The following DNAH7 variants were observed in gnomAD, a reference collection of about 807,000 sequenced individuals.
The protein encoded by DNAH7 is axonemal beta dynein heavy chain 7.
Under a neutral mutation model 444.6 loss-of-function variants are expected in DNAH7, and 397 were observed. The observed-to-expected ratio is 0.89, with a 90% CI of 0.82 to 0.97. The LOEUF is 0.97. Ranked by LOEUF, DNAH7 falls within the 50% of genes least tolerant of loss-of-function variation. The pLI is 0.00. For missense variants in DNAH7, 4,902 were observed against 4,800.8 expected, an observed-to-expected ratio of 1.02 and a Z score of -0.62; for synonymous variants, 1,636 against 1,624.4, an observed-to-expected ratio of 1.01 and a Z score of -0.17.
intron 17 of DNAH7, among the ~76,000 whole-genome samples, chr2:195,961,223 C>A (rs960722597): frequency 2.6e-5 from 4 of 152,090 alleles, no homozygotes; most frequent in African/African-American, 9.7e-5. Flanking sequence ...TACATTACCT[C>A]ACACACTGAT....
intron 2 of DNAH7, among the ~76,000 whole-genome samples, chr2:196,057,433 C>T (rs1177081056): frequency 6.6e-6 from 1 of 152,080 alleles, no homozygotes; most frequent in Non-Finnish European, 1.5e-5. Context: ...ATGTCTATTT[C>T]ATTTCAGGTT....
intron 19 of DNAH7, 42 bp downstream of exon 19, chr2:195,957,219 C>T: frequency 7.1e-7 from 1 of 1,416,442 alleles, no homozygotes; most frequent in Non-Finnish European, 9.4e-7. Context: ...AATCATGTCA[C>T]TTCAACCAAA....
chr2:195,859,877 T>A (rs1574590022), intron 42 of DNAH7, among the ~76,000 whole-genome samples: 1 of 152,170 alleles, frequency 6.6e-6, no homozygotes, highest in African/African-American at 2.4e-5. Flanking sequence ...TAATCCCAAG[T>A]GACGCTTTGC....
At position 196,060,205 on chromosome 2, in the gene DNAH7, G is replaced by C. The variant is rs141867707; in HGVS notation, c.16-2089C>G. 0.02 allele frequency among the ~76,000 whole-genome samples: 2,983 copies of C among 152,188 alleles called. 253 individuals carry two copies. In the East Asian group the frequency reaches 0.27, roughly 14 times the overall value. On this transcript the variant is annotated intron_variant, in intron 1 of 64. Coordinates refer to ENST00000312428, the MANE Select transcript of DNAH7 (RefSeq NM_018897.3). ...TGCACTCCAGCCTGGGCAACAGAGA[G>C]AGACACTGTCTCAAAAAAAAGAAAA...
intron 28 of DNAH7, among the ~76,000 whole-genome samples, chr2:195,898,076 G>A (rs1702439461): frequency 6.6e-6 from 1 of 152,194 alleles, no homozygotes; most frequent in Non-Finnish European, 1.5e-5. Flanking sequence ...GGTAGAGCTT[G>A]CTTGTTCTCT....
intron 19 of DNAH7, among the ~76,000 whole-genome samples, chr2:195,950,256 G>C (rs1690129492): frequency 6.6e-6 from 1 of 151,982 alleles, no homozygotes; most frequent in Admixed American, 6.6e-5. Flanking sequence ...TTGGTTGGTA[G>C]GCTATTAATT....
intron 57 of DNAH7, among the ~76,000 whole-genome samples, chr2:195,787,611 G>A (rs950980370): frequency 4.6e-5 from 7 of 152,176 alleles, no homozygotes; most frequent in Non-Finnish European, 8.8e-5. Flanking sequence ...GAACTTTAAA[G>A]AGGATTTGTG....
Position 195,766,205 on chromosome 2 carries a change from G to A in DNAH7, c.11433+5455C>T, listed in dbSNP as rs1057280439. ...TTTTTTTTTTTTGAGACAGAGTCTT[G>A]CTCTGTCACCCAGGCTGGAGGGCAG... On this transcript the variant is annotated intron_variant, in intron 61 of 64. Coordinates refer to ENST00000312428, the MANE Select transcript of DNAH7 (RefSeq NM_018897.3). Among the ~76,000 whole-genome samples, 5 of 42,498 alleles carry A rather than the reference G, an allele frequency of 1.2e-4. No individual in the cohort carries two copies. In the Admixed American group the frequency reaches 1.3e-3, roughly 11 times the overall value. 27.9% of individuals were successfully genotyped at this position (42,498 alleles called of 152,430 possible). A position where few individuals can be genotyped will look rare whatever the true frequency, so the allele number is the denominator to read the frequency against.
At chr2:196,024,184 G>C (rs763095344) in intron 8 of DNAH7, among the ~76,000 whole-genome samples, 1 of 152,092 alleles carries the variant, frequency 6.6e-6, no homozygotes, top group Non-Finnish European at 1.5e-5. Context: ...AGACTTGCTT[G>C]ACAAAGACCT....
At chr2:195,844,018 C>T (rs1166300932) in intron 47 of DNAH7, among the ~76,000 whole-genome samples, 2 of 152,000 alleles carry the variant, frequency 1.3e-5, no homozygotes, top group Non-Finnish European at 2.9e-5. Context: ...ATGTCATGAA[C>T]CTGGGAGGCG....
At chr2:196,003,327 G>A (rs1334757959) in intron 10 of DNAH7, among the ~76,000 whole-genome samples, 1 of 152,130 alleles carries the variant, frequency 6.6e-6, no homozygotes, top group Non-Finnish European at 1.5e-5. Flanking sequence ...CACAGGGGAA[G>A]GTCCAGTTCA....
chr2:196,060,232 C>G lies in DNAH7; in HGVS notation c.16-2116G>C, dbSNP rs549256897. 2.1e-4 allele frequency among the ~76,000 whole-genome samples: 32 copies of G among 152,076 alleles called. 1 individual carries two copies. Among genetic ancestry groups the G allele is most frequent in the Admixed American group, 7.9e-4 (12 of 15,274 alleles). ...GACACTGTCTCAAAAAAAAGAAAAA[C>G]AAAAACAAACAAACAAAAAAACTAC... On this transcript the variant is annotated intron_variant, in intron 1 of 64. Coordinates refer to ENST00000312428, the MANE Select transcript of DNAH7 (RefSeq NM_018897.3).
chr2:195,833,736 T>C (rs746381532), intron 48 of DNAH7, among the ~76,000 whole-genome samples: 11 of 152,074 alleles, frequency 7.2e-5, no homozygotes, highest in Non-Finnish European at 1.6e-4. Flanking sequence ...AAATCTGTAC[T>C]CTCCTCTCTG....
chr2:195,906,453 CTTTTTTTTTTTT>C (rs397870111), intron 27 of DNAH7, among the ~76,000 whole-genome samples, 194 bp downstream of exon 27: 1 of 114,720 alleles, frequency 8.7e-6, no homozygotes, highest in Non-Finnish European at 1.8e-5. Flanking sequence ...TTCTTTCTTT[CTTTTTTTTTTTT>C]TTTTTTTTTT....
chr2:195,956,228 T>C (rs1690644003), intron 19 of DNAH7, among the ~76,000 whole-genome samples: 1 of 152,216 alleles, frequency 6.6e-6, no homozygotes, highest in Non-Finnish European at 1.5e-5. Context: ...ATAATACTTA[T>C]CCTACCTTAT....
intron 56 of DNAH7, 23 bp from the exon 57 acceptor site, chr2:195,794,561 C>T (rs1559101525): frequency 1.2e-6 from 2 of 1,607,868 alleles, no homozygotes; most frequent in East Asian, 2.2e-5. Flanking sequence ...AAATCAGATA[C>T]AAAAGAGTAA....
intron 10 of DNAH7, among the ~76,000 whole-genome samples, chr2:196,006,802 CAAG>C (rs896662664): frequency 7.2e-5 from 11 of 151,792 alleles, no homozygotes; most frequent in African/African-American, 2.2e-4. Flanking sequence ...TACATAGCAT[CAAG>C]AAGAATACTT....
At chr2:195,926,712 T>C in intron 21 of DNAH7, 146 bp from the exon 22 acceptor site, 1 of 604,490 alleles carries the variant, frequency 1.7e-6, no homozygotes, top group Non-Finnish European at 2.5e-6. Context: ...AACCGTGTGA[T>C]TACAACTAAT....
At chr2:196,062,629 T>C (rs1233066893) in intron 1 of DNAH7, among the ~76,000 whole-genome samples, 2 of 152,132 alleles carry the variant, frequency 1.3e-5, no homozygotes, top group Admixed American at 6.6e-5. Flanking sequence ...CACACCTTCA[T>C]TGTTCTTCTA....
Sources: gnomAD v4.1 joint callset for allele counts (sites outside exome capture counted in the v4.1 genomes callset) on GRCh38, gnomAD v4.1.1 for gene constraint, MANE v1.5 for transcripts, NCBI Gene and HGNC (gene_info 2026-07-23, HGNC 2026-07-21) for gene names.